The following PALLD variants were observed in gnomAD, a reference collection of about 807,000 sequenced individuals.
PALLD encodes the protein palladin.
Under a neutral mutation model 123.5 loss-of-function variants are expected in PALLD, and 61 were observed. The observed-to-expected ratio is 0.49, with a 90% CI of 0.40 to 0.61. The LOEUF is 0.61. Ranked by LOEUF, PALLD falls within the 20% of genes least tolerant of loss-of-function variation. PALLD has a pLI of 0.00. For synonymous variants in PALLD, 465 were observed against 496.4 expected (o/e 0.94, Z 0.84); for missense variants, 1,273 against 1,377.0 (o/e 0.92, Z 1.20).
At chr4:168,729,217 C>A (rs2150300157) in intron 10 of PALLD, among the ~76,000 whole-genome samples, 1 of 152,254 alleles carries the variant, frequency 6.6e-6, no homozygotes, top group South Asian at 2.1e-4. Context: ...ACATCATGGG[C>A]AACTACTGTG....
At chr4:168,757,847 G>A (rs1293905254) in intron 10 of PALLD, among the ~76,000 whole-genome samples, 1 of 152,216 alleles carries the variant, frequency 6.6e-6, no homozygotes, top group Non-Finnish European at 1.5e-5. Context: ...CGAGGTGGGA[G>A]GATCACCCGA....
intron 10 of PALLD, among the ~76,000 whole-genome samples, chr4:168,816,578 T>G (rs989878924): frequency 1.3e-5 from 2 of 150,976 alleles, no homozygotes; most frequent in East Asian, 1.9e-4. Flanking sequence ...TGTTTTTGGG[T>G]TTTTTTTGGT....
chr4:168,556,543 G>A (rs991463681), intron 2 of PALLD, among the ~76,000 whole-genome samples: 4 of 152,154 alleles, frequency 2.6e-5, no homozygotes, highest in Admixed American at 2.6e-4. Flanking sequence ...AGCGAAGCAG[G>A]ATGCTTTCAA....
chr4:168,737,730 A>T (rs1787901659), intron 10 of PALLD, among the ~76,000 whole-genome samples: 1 of 152,192 alleles, frequency 6.6e-6, no homozygotes, highest in Non-Finnish European at 1.5e-5. Flanking sequence ...GTCTATGGTG[A>T]CCGTCTGTTA....
chr4:168,555,022 T>C (rs1328321863), intron 2 of PALLD, among the ~76,000 whole-genome samples: 1 of 152,250 alleles, frequency 6.6e-6, no homozygotes. Flanking sequence ...TCTATTTTTG[T>C]ATTTTTATTT....
At chr4:168,580,239 GGTGTGTGTGTGT>G (rs59142111) in intron 2 of PALLD, among the ~76,000 whole-genome samples, 15 of 147,386 alleles carry the variant, frequency 1.0e-4, no homozygotes, top group Non-Finnish European at 1.7e-4. Context: ...ATTTCACTGT[GGTGTGTGTGTGT>G]GTGTGTGTGT....
intron 5 of PALLD, among the ~76,000 whole-genome samples, chr4:168,685,208 C>G (rs1271919410): frequency 6.6e-6 from 1 of 152,190 alleles, no homozygotes; most frequent in East Asian, 1.9e-4. Context: ...ACACAGAAAT[C>G]CATTTGGTAA....
intron 2 of PALLD, among the ~76,000 whole-genome samples, chr4:168,538,110 T>A (rs1313613147): frequency 6.6e-6 from 1 of 152,240 alleles, no homozygotes; most frequent in African/African-American, 2.4e-5. Context: ...ATAGGCATCA[T>A]AAGTATATAC....
Position 168,527,798 on chromosome 4 carries a change from G to A in PALLD, c.908+15386G>A, listed in dbSNP as rs1025725101. The stretch of plus-strand genomic sequence containing the variant: ...CTAGAACAGACTCCTTCAGGTTTCC[G>A]GTTGGGCTAAGTCCTGGAGGGCCCT... On this transcript the variant is annotated intron_variant, in intron 2 of 21. Transcript: ENST00000505667. Among the ~76,000 whole-genome samples, 8 of 152,172 alleles carry A rather than the reference G, an allele frequency of 5.3e-5. No individual in the cohort carries two copies. In the East Asian group the frequency reaches 9.7e-4, roughly 18 times the overall value.
At chr4:168,848,855 C>G (rs1003158743) in intron 10 of PALLD, among the ~76,000 whole-genome samples, 5 of 152,138 alleles carry the variant, frequency 3.3e-5, no homozygotes, top group Admixed American at 1.3e-4. Context: ...GAAATAATTT[C>G]AAGATGTTCA....
intron 2 of PALLD, among the ~76,000 whole-genome samples, chr4:168,634,278 C>A (rs1776119513): frequency 6.6e-6 from 1 of 152,204 alleles, no homozygotes; most frequent in Non-Finnish European, 1.5e-5. Context: ...TCGAGCTTTC[C>A]TGGCTTTTCA....
At chr4:168,863,397 G>A (rs1015727451) in intron 10 of PALLD, among the ~76,000 whole-genome samples, 17 of 152,304 alleles carry the variant, frequency 1.1e-4, no homozygotes, top group African/African-American at 4.1e-4. Context: ...CCCTCTCACT[G>A]CAAGCAAGAT....
intron 10 of PALLD, among the ~76,000 whole-genome samples, chr4:168,833,441 T>G (rs1744631006): frequency 6.6e-6 from 1 of 152,066 alleles, no homozygotes; most frequent in East Asian, 1.9e-4. Context: ...GGCTCTACAT[T>G]TTAATGCGTA....
At chr4:168,626,270 T>C (rs574431652) in intron 2 of PALLD, among the ~76,000 whole-genome samples, 39 of 151,274 alleles carry the variant, frequency 2.6e-4, no homozygotes, top group African/African-American at 7.8e-4. Context: ...GGCGTGGTGG[T>C]GGGCTCCTGT....
At chr4:168,571,268 A>G (rs968027873) in intron 2 of PALLD, among the ~76,000 whole-genome samples, 1 of 151,966 alleles carries the variant, frequency 6.6e-6, no homozygotes, top group Non-Finnish European at 1.5e-5. Flanking sequence ...TCATTCATCT[A>G]TTTACTCTAT....
chr4:168,783,836 A>G (rs1446317256), intron 10 of PALLD, among the ~76,000 whole-genome samples: 1 of 152,200 alleles, frequency 6.6e-6, no homozygotes, highest in Admixed American at 6.5e-5. Context: ...ATGTAGCTGT[A>G]TAGTGAGGGA....
chr4:168,550,883 G>A lies in PALLD; in HGVS notation c.908+38471G>A, dbSNP rs3967848. The stretch of plus-strand genomic sequence containing the variant: ...GTTTTACTACTTGTCATTATTTTTG[G>A]AAAAACAGTTTCTAACTCTCTTGTT... On this transcript the variant is annotated intron_variant, in intron 2 of 21. Transcript: ENST00000505667. 3.9e-3 allele frequency among the ~76,000 whole-genome samples: 598 copies of A among 152,108 alleles called. 3 individuals carry two copies. Among genetic ancestry groups the A allele is most frequent in the African/African-American group, 0.014 (579 of 41,480 alleles).
chr4:168,575,544 C>A (rs1284995067), intron 2 of PALLD, among the ~76,000 whole-genome samples: 1 of 152,048 alleles, frequency 6.6e-6, no homozygotes, highest in Admixed American at 6.6e-5. Flanking sequence ...CAGAGCCAAA[C>A]CATATCACCA....
intron 8 of PALLD, among the ~76,000 whole-genome samples, chr4:168,708,386 GAGA>G (rs1374450446): frequency 1.3e-5 from 2 of 152,100 alleles, no homozygotes; most frequent in African/African-American, 4.8e-5. Flanking sequence ...CCATTTTACG[GAGA>G]AGAACACTGA....
Sources: gnomAD v4.1 joint callset for allele counts (sites outside exome capture counted in the v4.1 genomes callset) on GRCh38, gnomAD v4.1.1 for gene constraint, MANE v1.5 for transcripts, NCBI Gene and HGNC (gene_info 2026-07-23, HGNC 2026-07-21) for gene names.